Variants in ARHGAP30 observed in about 807,000 individuals in gnomAD.
ARHGAP30 encodes Rho GTPase activating protein 30.
Under a neutral mutation model 72.0 loss-of-function variants are expected in ARHGAP30, and 23 were observed. That is an observed-to-expected ratio of 0.32 (90% CI 0.23 to 0.45). The LOEUF is 0.45. ARHGAP30 is among the 20% of genes least tolerant of loss of function. The pLI is 1.00. For synonymous variants in ARHGAP30, 576 were observed against 528.2 expected, an observed-to-expected ratio of 1.09 and a Z score of -1.24; for missense variants, 1,319 against 1,383.4, an observed-to-expected ratio of 0.95 and a Z score of 0.74.
chr1:161,063,908 C>T (rs187058186), intron 1 of ARHGAP30, among the ~76,000 whole-genome samples: 6 of 152,296 alleles, frequency 3.9e-5, no homozygotes, highest in South Asian at 2.1e-4. Context: ...AGGAAACTCT[C>T]GCCTAATAAA....
chr1:161,061,179 T>TG (rs368674862), intron 1 of ARHGAP30, among the ~76,000 whole-genome samples: 117 of 152,050 alleles, frequency 7.7e-4, no homozygotes, highest in African/African-American at 2.6e-3. Flanking sequence ...TTTGTTTGTT[T>TG]TTTTTAGATG....
intron 1 of ARHGAP30, among the ~76,000 whole-genome samples, chr1:161,062,720 T>C (rs947227117): frequency 6.6e-6 from 1 of 151,504 alleles, no homozygotes; most frequent in Non-Finnish European, 1.5e-5. Context: ...CAGAGTGAGA[T>C]TCCGTGTCAA....
intron 2 of ARHGAP30, 36 bp downstream of exon 2, chr1:161,059,578 C>T (rs541168493): frequency 6.4e-7 from 1 of 1,569,150 alleles, no homozygotes; most frequent in African/African-American, 1.4e-5. Context: ...TCCCTGGCCT[C>T]CTGGTCACAG....
intron 1 of ARHGAP30, among the ~76,000 whole-genome samples, chr1:161,065,755 CAG>C (rs1652710976): frequency 1.3e-5 from 2 of 152,030 alleles, no homozygotes; most frequent in South Asian, 4.1e-4. Flanking sequence ...CTAGTAGAGA[CAG>C]AGTTTCTCCA....
At position 161,051,344 on chromosome 1, in the gene ARHGAP30, G is replaced by A. The variant is rs755975146; in HGVS notation, c.1390C>T (p.Pro464Ser). ...GGGCCAGGGCCAAGGCCAGGGCCAG[G>A]GCCAGGGCCAGAGGCAGGGCTTGGC... Reference protein sequence around the residue: ...HRPSPASGPGPGPGLGPGPPD... With the variant: ...HRPSPASGPGSGPGLGPGPPD... Residue 464 changes from proline to serine, a missense_variant, in exon 10 of 12, where the codon CCT (proline) becomes TCT (serine). Physicochemically the swap from Pro to Ser is moderately conservative, Grantham distance 74 (BLOSUM62 -1). This residue lies in a region of ARHGAP30 where 1,097 missense variants were observed against 1,045.2 expected (regional missense o/e 1.05). Transcript: ENST00000368013. 9.2e-5 allele frequency: 148 copies of A among 1,610,412 alleles called. No homozygotes were observed. The South Asian group carries it at 1.5e-3, about 17-fold the overall frequency.
chr1:161,059,818 A>C, intron 1 of ARHGAP30, 102 bp from the exon 2 acceptor site: 1 of 958,978 alleles, frequency 1.0e-6, no homozygotes, highest in Non-Finnish European at 1.6e-6. Flanking sequence ...CACGACGAGC[A>C]AAGCTCATGG....
intron 1 of ARHGAP30, among the ~76,000 whole-genome samples, chr1:161,063,440 T>C (rs991166371): frequency 7.2e-5 from 11 of 152,358 alleles, no homozygotes; most frequent in Admixed American, 7.2e-4. Flanking sequence ...ACTTATCACT[T>C]CCCCAATCAA....
rs377202936 is a variant in ARHGAP30, at chr1:161,055,817, TAA to T, written c.345+569_345+570del. 6.6e-3 allele frequency among the ~76,000 whole-genome samples: 298 copies of T among 45,474 alleles called. 2 individuals are homozygous for T. The highest frequency in any genetic ancestry group is 0.011 in the African/African-American group (211 of 19,148). 29.8% of individuals were successfully genotyped at this position (45,474 alleles called of 152,430 possible). On this transcript the variant is annotated intron_variant, in intron 3 of 11. Transcript: ENST00000368013. ...AATAAAATAAAATAATAAAATAAAA[TAA>T]AATAAAATAAAATAAAATAAAATAA...
chr1:161,061,945 G>A (rs866608287), intron 1 of ARHGAP30, among the ~76,000 whole-genome samples: 35 of 152,052 alleles, frequency 2.3e-4, no homozygotes, highest in African/African-American at 6.8e-4. Context: ...AAAATTAGCC[G>A]GGCGTGGCAG....
chr1:161,057,335 T>G (rs1238742284), intron 2 of ARHGAP30, among the ~76,000 whole-genome samples: 1 of 151,978 alleles, frequency 6.6e-6, no homozygotes, highest in African/African-American at 2.4e-5. Context: ...ATAAGCCAAA[T>G]TTTTAAACAG....
In ARHGAP30 at chr1:161,069,700, C is replaced by T; in HGVS notation, c.-76G>A. ...TGCCCTACCAGTCCCCCATGGGATC[C>T]CAGCCAGCTGCTGGGCTTGGCCCGG... On this transcript the variant is annotated 5_prime_UTR_variant, in exon 1 of 12. Coordinates refer to ENST00000368013, the MANE Select transcript of ARHGAP30 (RefSeq NM_001025598.2). The surrounding 1 kb of genome is among the most constrained non-coding windows in gnomAD (Gnocchi z 4.9). The T allele has an allele frequency of 6.6e-7, 1 of 1,506,198 alleles. No individual in the cohort carries two copies. The highest frequency in any genetic ancestry group is 9.1e-7 in the Non-Finnish European group (1 of 1,098,286). 93.3% of individuals were successfully genotyped at this position (1,506,198 alleles called of 1,614,324 possible).
Position 161,054,655 on chromosome 1 carries a change from C to T in ARHGAP30, c.396G>A (p.Glu132=), listed in dbSNP as rs372733325. 2 of 1,613,914 alleles carry T rather than the reference C, an allele frequency of 1.2e-6. No homozygotes were observed. Among genetic ancestry groups the T allele is most frequent in the Non-Finnish European group, 1.7e-6 (2 of 1,180,042 alleles). ...TTGGGACAGGGAGTTCCCGAAGCAC[C>T]TCTAGGATCTTGACCAAGCGCTCAG... The part of the protein sequence containing the change: ...LEPERLVKIL[E]VLRELPVPNY... Residue 132 remains glutamate, a synonymous_variant, in exon 4 of 12, where the codon GAG becomes GAA. Coordinates refer to ENST00000368013, the MANE Select transcript of ARHGAP30 (RefSeq NM_001025598.2).
intron 3 of ARHGAP30, 142 bp downstream of exon 3, chr1:161,056,246 G>T (rs1312881250): frequency 3.4e-6 from 4 of 1,172,456 alleles, no homozygotes; most frequent in Non-Finnish European, 4.7e-6. Flanking sequence ...GGGAGGAGGG[G>T]TCTTTTCCCC....
At chr1:161,059,538 C>T in intron 2 of ARHGAP30, 76 bp downstream of exon 2, 2 of 1,280,152 alleles carry the variant, frequency 1.6e-6, no homozygotes. Flanking sequence ...TCTCTGCTGT[C>T]CTCAGCAACT....
In ARHGAP30 at chr1:161,049,648, C is replaced by G. The variant is rs781236066; in HGVS notation, c.1462G>C (p.Asp488His). 2.9e-5 allele frequency: 47 copies of G among 1,613,896 alleles called. No homozygotes were observed. The highest frequency in any genetic ancestry group is 3.5e-5 in the Non-Finnish European group (41 of 1,179,950). ...EASPASSPLA[D>H]SGPDDLAPAL... ...GGAGCCAAGTCGTCTGGGCCTGAGTCTGCCAGGGGACTTGAGGCTGGACTT... is the reference window on the plus strand; with the variant it reads ...GGAGCCAAGTCGTCTGGGCCTGAGTGTGCCAGGGGACTTGAGGCTGGACTT... The change falls in exon 11 of 12, where the codon GAC becomes CAC. Residue 488 changes from aspartate (D) to histidine (H), a missense_variant. Transcript: ENST00000368013.
chr1:161,057,254 G>A (rs1651944177), intron 2 of ARHGAP30, among the ~76,000 whole-genome samples: 1 of 151,540 alleles, frequency 6.6e-6, no homozygotes, highest in South Asian at 2.1e-4. Context: ...TCCCAGGTTC[G>A]AGTGATTCTC....
In ARHGAP30 at chr1:161,054,482, A is replaced by G. The variant is rs1244265778; in HGVS notation, c.429-9T>C. The stretch of plus-strand genomic sequence containing the variant: ...TGAGGAACTCCAGGGTCCTGCAGAA[A>G]GCGGGGGCAGGGATCACACAGGGAA... On this transcript the variant is annotated splice_polypyrimidine_tract_variant and intron_variant, in intron 4 of 11. Coordinates refer to ENST00000368013, the MANE Select transcript of ARHGAP30 (RefSeq NM_001025598.2). 3 of 1,613,288 alleles carry G rather than the reference A, an allele frequency of 1.9e-6. No homozygotes were observed. The highest frequency in any genetic ancestry group is 2.5e-6 in the Non-Finnish European group (3 of 1,179,508).
chr1:161,047,465 C>CCACT lies in ARHGAP30; in HGVS notation c.*246_*249dup. Reference sequence around the variant, plus strand: ...CCTTATGTTCCCTTTGGCCAATGACCCACTCCCTGGGAACAAGATCTTGTT... The same window carrying CCACT: ...CCTTATGTTCCCTTTGGCCAATGACCCACTCACTCCCTGGGAACAAGATCTTGTT... On this transcript the variant is annotated 3_prime_UTR_variant, in exon 12 of 12. Coordinates refer to ENST00000368013, the MANE Select transcript of ARHGAP30 (RefSeq NM_001025598.2). The CCACT allele has an allele frequency of 2.9e-6, 1 of 341,982 alleles. No homozygotes were observed. Among genetic ancestry groups the CCACT allele is most frequent in the African/African-American group, 2.1e-5 (1 of 47,374 alleles). The allele number at this position is 341,982 out of a possible 1,614,324, so 21.2% of individuals were successfully genotyped here.
At position 161,052,643 on chromosome 1, in the gene ARHGAP30, G is replaced by A. The variant is rs1263974997; in HGVS notation, c.819C>T (p.Ile273=). The part of the protein sequence containing the change: ...PPQMRPYHTI[I]EIAEHKRKGS... The stretch of plus-strand genomic sequence containing the variant: ...GGCCTTACTTGTGCTCTGCAATCTC[G>A]ATGATAGTATGGTAGGGCCGCATCT... The change falls in exon 7 of 12, where the codon ATC becomes ATT. Residue 273 remains isoleucine (I), a synonymous_variant. Transcript: ENST00000368013. 1 of 1,613,920 alleles carries A rather than the reference G, an allele frequency of 6.2e-7. No individual in the cohort carries two copies. The highest frequency in any genetic ancestry group is 2.2e-5 in the East Asian group (1 of 44,886).
Sources: allele counts gnomAD v4.1 joint callset (sites outside exome capture counted in the v4.1 genomes callset), GRCh38; gene constraint gnomAD v4.1.1; regional missense constraint gnomAD v4.1.1; non-coding constraint Gnocchi (gnomAD v3.1); transcripts MANE v1.5; gene names NCBI Gene and HGNC (gene_info 2026-07-23, HGNC 2026-07-21).